BMPER: variants seen among roughly 807,000 people sequenced by gnomAD.
BMPER encodes the protein BMP binding endothelial regulator.
In BMPER, 45 loss-of-function variants were observed where a neutral mutation model predicts 87.3. That is an observed-to-expected ratio of 0.52 (90% confidence interval 0.41 to 0.66). The LOEUF is 0.66. BMPER is among the 30% of genes least tolerant of loss of function. BMPER has a pLI of 0.00. For missense variants in BMPER, 784 were observed against 867.5 expected (o/e 0.90, Z 1.21); for synonymous variants, 326 against 316.2 (o/e 1.03, Z -0.33).
chr7:34,080,691 A>T (rs1460597067), intron 12 of BMPER, among the ~76,000 whole-genome samples: 1 of 152,216 alleles, frequency 6.6e-6, no homozygotes. Flanking sequence ...ACTAATTAAA[A>T]GCACCTTGAC....
intron 3 of BMPER, among the ~76,000 whole-genome samples, chr7:33,963,921 G>T (rs891350974): frequency 1.3e-5 from 2 of 152,174 alleles, no homozygotes; most frequent in African/African-American, 4.8e-5. Context: ...GCCAATAAGA[G>T]ATAGTATATT....
intron 14 of BMPER, among the ~76,000 whole-genome samples, chr7:34,144,653 G>C (rs1445063219): frequency 6.6e-6 from 1 of 152,076 alleles, no homozygotes; most frequent in Non-Finnish European, 1.5e-5. Flanking sequence ...AGTGATATAT[G>C]CTTGAAGCAT....
At chr7:33,934,088 T>C (rs1470457213) in intron 2 of BMPER, among the ~76,000 whole-genome samples, 1 of 152,168 alleles carries the variant, frequency 6.6e-6, no homozygotes, top group Non-Finnish European at 1.5e-5. Flanking sequence ...ACATAGTGCA[T>C]GTGGGGATGA....
At chr7:34,089,435 T>C (rs1789316020) in intron 13 of BMPER, among the ~76,000 whole-genome samples, 1 of 152,180 alleles carries the variant, frequency 6.6e-6, no homozygotes, top group Admixed American at 6.5e-5. Flanking sequence ...ATAATGACAA[T>C]GTCTCTGAAT....
intron 2 of BMPER, among the ~76,000 whole-genome samples, chr7:33,933,197 C>A (rs768661961): frequency 1.9e-4 from 29 of 152,114 alleles, no homozygotes; most frequent in Non-Finnish European, 3.7e-4. Flanking sequence ...ACTCCCTATG[C>A]CCCCCTTTTA....
chr7:34,004,501 A>G (rs1436912680), intron 6 of BMPER, among the ~76,000 whole-genome samples: 1 of 152,088 alleles, frequency 6.6e-6, no homozygotes, highest in African/African-American at 2.4e-5. Flanking sequence ...AACTGGATGC[A>G]TTTATGATAA....
chr7:34,126,940 C>G (rs1583463447), intron 13 of BMPER, among the ~76,000 whole-genome samples: 2 of 152,198 alleles, frequency 1.3e-5, no homozygotes, highest in East Asian at 3.8e-4. Context: ...AAACAGCAGA[C>G]AGCCCAGAGG....
chr7:33,915,196 A>G (rs369822043), intron 2 of BMPER, among the ~76,000 whole-genome samples: 3 of 152,248 alleles, frequency 2.0e-5, no homozygotes, highest in Non-Finnish European at 4.4e-5. Flanking sequence ...TTCACGGATA[A>G]CAGTAATATG....
In BMPER at chr7:34,155,698, G is replaced by A. The variant is rs1272014464; in HGVS notation, c.*2425G>A. On this transcript the variant is annotated 3_prime_UTR_variant, in exon 15 of 15. Coordinates refer to ENST00000649409, the MANE Select transcript of BMPER (RefSeq NM_001365308.1). ...GGTTGGCCTGCATATTCTTTTTTAGGCCACAGGCTACAGCTGAGCAATGGC... is the reference window on the plus strand; with the variant it reads ...GGTTGGCCTGCATATTCTTTTTTAGACCACAGGCTACAGCTGAGCAATGGC... The A allele has an allele frequency of 6.6e-6, 1 of 152,142 alleles. No homozygotes were observed. Among genetic ancestry groups the A allele is most frequent in the Non-Finnish European group, 1.5e-5 (1 of 68,032 alleles). 9.4% of individuals were successfully genotyped at this position (152,142 alleles called of 1,614,324 possible).
At chr7:34,140,217 T>C (rs905788096) in intron 13 of BMPER, among the ~76,000 whole-genome samples, 15 of 152,340 alleles carry the variant, frequency 9.8e-5, no homozygotes, top group Admixed American at 7.8e-4. Context: ...CCATGTGGAC[T>C]GGAGGAGACA....
intron 13 of BMPER, among the ~76,000 whole-genome samples, chr7:34,099,496 A>C (rs970823405): frequency 4.6e-5 from 7 of 152,192 alleles, no homozygotes. Flanking sequence ...AAATTGTCAA[A>C]ATTATTTGGA....
intron 6 of BMPER, among the ~76,000 whole-genome samples, chr7:34,041,440 T>G (rs1585767411): frequency 6.6e-6 from 1 of 152,126 alleles, no homozygotes. Context: ...ATTTGTAGAT[T>G]AGACTATTCT....
chr7:34,142,666 A>C (rs1418914197), intron 13 of BMPER, among the ~76,000 whole-genome samples: 2 of 152,206 alleles, frequency 1.3e-5, no homozygotes, highest in African/African-American at 4.8e-5. Flanking sequence ...TAAAAGACTA[A>C]GATTCTAAGA....
rs574183031 is a variant in BMPER at position 34,025,678 on chromosome 7, T to C, written c.577-20628T>C. On this transcript the variant is annotated intron_variant, in intron 6 of 14. Coordinates refer to ENST00000649409, the MANE Select transcript of BMPER (RefSeq NM_001365308.1). ...AATCCAGCCTGAAAGCATGAGCCAG[T>C]GTGGGTGAGAAGAGATCGGGAGACT... 2.6e-5 allele frequency among the ~76,000 whole-genome samples: 4 copies of C among 151,862 alleles called. No individual in the cohort carries two copies. The East Asian group carries it at 7.8e-4, about 30-fold the overall frequency.
chr7:33,945,416 A>AT (rs1452451825), intron 3 of BMPER, among the ~76,000 whole-genome samples: 1 of 151,010 alleles, frequency 6.6e-6, no homozygotes, highest in African/African-American at 2.4e-5. Context: ...AGGCAGGCTA[A>AT]TTTTTTTGTA....
intron 6 of BMPER, among the ~76,000 whole-genome samples, chr7:33,985,164 C>T (rs1383637812): frequency 6.6e-6 from 1 of 152,116 alleles, no homozygotes; most frequent in Non-Finnish European, 1.5e-5. Flanking sequence ...TTTCAAAAAG[C>T]CTAGATATAT....
intron 6 of BMPER, among the ~76,000 whole-genome samples, chr7:34,024,357 CAAAAAAAAAAAA>C (rs1169634357): frequency 4.3e-4 from 2 of 4,654 alleles, no homozygotes; most frequent in Non-Finnish European, 6.6e-4. Flanking sequence ...AACTCTGTCT[CAAAAAAAAAAAA>C]AAAAAAAAAA....
intron 6 of BMPER, among the ~76,000 whole-genome samples, chr7:33,982,629 GT>G (rs1203485196): frequency 3.3e-5 from 5 of 152,150 alleles, no homozygotes; most frequent in Non-Finnish European, 7.4e-5. Context: ...GTGAATCTTG[GT>G]GTTTTATGTT....
intron 9 of BMPER, 67 bp downstream of exon 9, chr7:34,055,370 A>G (rs1788256019): frequency 6.3e-7 from 1 of 1,597,184 alleles, no homozygotes; most frequent in Non-Finnish European, 8.6e-7. Context: ...AGCTCCAGAC[A>G]CTAGGCAGAT....
Sources: gnomAD v4.1 joint callset for allele counts (sites outside exome capture counted in the v4.1 genomes callset) on GRCh38, gnomAD v4.1.1 for gene constraint, MANE v1.5 for transcripts, NCBI Gene and HGNC (gene_info 2026-07-23, HGNC 2026-07-21) for gene names.